MYO5B: variants seen among roughly 807,000 people sequenced by gnomAD.
The protein encoded by MYO5B is myosin VB, also known as unconventional myosin-Vb.
MYO5B carries 143 observed loss-of-function variants against 229.3 expected under a neutral mutation model. The observed-to-expected ratio is 0.62, with a 90% CI of 0.54 to 0.72. The LOEUF is 0.72. Ranked by LOEUF, MYO5B falls within the 30% of genes least tolerant of loss-of-function variation. The pLI is 0.00. For synonymous variants in MYO5B, 918 were observed against 885.2 expected, an observed-to-expected ratio of 1.04 and a Z score of -0.66; for missense variants, 2,321 against 2,331.0, an observed-to-expected ratio of 1.00 and a Z score of 0.09.
intron 39 of MYO5B, 46 bp from the exon 40 acceptor site, chr18:49,826,669 A>G (rs376447629): frequency 6.2e-7 from 1 of 1,608,256 alleles, no homozygotes; most frequent in East Asian, 2.2e-5. Flanking sequence ...ACCCCTAAAA[A>G]TAGCCAGTTT....
At chr18:49,940,843 A>G (rs1241525632) in intron 14 of MYO5B, among the ~76,000 whole-genome samples, 1 of 152,232 alleles carries the variant, frequency 6.6e-6, no homozygotes, top group Non-Finnish European at 1.5e-5. Context: ...ACAAGGTTAC[A>G]ATGCCTAATG....
intron 4 of MYO5B, among the ~76,000 whole-genome samples, chr18:50,031,470 G>C (rs1388355772): frequency 6.6e-6 from 1 of 152,162 alleles, no homozygotes; most frequent in Admixed American, 6.5e-5. Context: ...GCATTAATGA[G>C]AATAATTCCT....
intron 4 of MYO5B, among the ~76,000 whole-genome samples, chr18:50,034,966 C>T (rs568442088): frequency 2.0e-5 from 3 of 152,276 alleles, no homozygotes; most frequent in Non-Finnish European, 4.4e-5. Context: ...TCCAAACTCT[C>T]TACTGACAAA....
At chr18:49,937,965 T>C (rs1008910802) in intron 14 of MYO5B, among the ~76,000 whole-genome samples, 1 of 152,146 alleles carries the variant, frequency 6.6e-6, no homozygotes, top group African/African-American at 2.4e-5. Flanking sequence ...CAGTGAATTG[T>C]GTGCTTCAAA....
Position 49,824,508 on chromosome 18 carries a change from A to AT in MYO5B, c.*1962dup. 6.6e-6 allele frequency: 1 copy of AT among 152,590 alleles called. No individual in the cohort carries two copies. Among genetic ancestry groups the AT allele is most frequent in the South Asian group, 2.1e-4 (1 of 4,834 alleles). 9.5% of individuals were successfully genotyped at this position (152,590 alleles called of 1,614,324 possible). On this transcript the variant is annotated 3_prime_UTR_variant, in exon 40 of 40. Coordinates refer to ENST00000285039, the MANE Select transcript of MYO5B (RefSeq NM_001080467.3). Reference sequence around the variant, plus strand: ...AGAGAATGATGGTATAAGACAGTGTATAAGGATAGTAAGCCACTGTGTTTG... The same window carrying AT: ...AGAGAATGATGGTATAAGACAGTGTATTAAGGATAGTAAGCCACTGTGTTTG...
chr18:49,942,503 C>T (rs1424718689), intron 14 of MYO5B, among the ~76,000 whole-genome samples: 7 of 151,088 alleles, frequency 4.6e-5, no homozygotes, highest in Non-Finnish European at 8.9e-5. Context: ...ACAATGAACT[C>T]AAACAAATTT....
chr18:50,101,450 T>C (rs918725482), intron 1 of MYO5B, among the ~76,000 whole-genome samples: 6 of 151,888 alleles, frequency 4.0e-5, no homozygotes, highest in African/African-American at 1.5e-4. Flanking sequence ...AAAATAACTA[T>C]AAAAATGCCT....
chr18:50,031,188 CA>C (rs1398199121), intron 4 of MYO5B, among the ~76,000 whole-genome samples: 3 of 152,016 alleles, frequency 2.0e-5, no homozygotes. Context: ...CATTGCTACC[CA>C]TTAAGGGAGG....
intron 1 of MYO5B, among the ~76,000 whole-genome samples, chr18:50,062,305 TC>T (rs1399070047): frequency 1.3e-5 from 2 of 152,182 alleles, no homozygotes; most frequent in African/African-American, 4.8e-5. Context: ...TGGGCAGAGT[TC>T]CCTGGGAATG....
At chr18:50,040,089 T>C in intron 3 of MYO5B, 54 bp downstream of exon 3, 1 of 1,583,060 alleles carries the variant, frequency 6.3e-7, no homozygotes, top group Non-Finnish European at 8.7e-7. Context: ...TGAGCAAGTC[T>C]AAAGCTGGTA....
At chr18:49,945,845 G>A (rs1291475406) in intron 14 of MYO5B, among the ~76,000 whole-genome samples, 1 of 152,108 alleles carries the variant, frequency 6.6e-6, no homozygotes, top group Non-Finnish European at 1.5e-5. Context: ...AGGACAAAGT[G>A]GCCCGTCAGA....
intron 26 of MYO5B, among the ~76,000 whole-genome samples, chr18:49,873,701 A>G (rs72642500): frequency 0.24 from 36,620 of 152,118 alleles, 4,554 homozygotes; most frequent in East Asian, 0.42. Flanking sequence ...GAGGTCACCT[A>G]CTCAGACTCA....
chr18:49,925,462 G>A (rs2025118802), intron 17 of MYO5B, among the ~76,000 whole-genome samples: 1 of 152,224 alleles, frequency 6.6e-6, no homozygotes, highest in African/African-American at 2.4e-5. Flanking sequence ...ATCTCCTGAG[G>A]GCTGCGTCAT....
chr18:50,192,013 A>T (rs1184608027), intron 1 of MYO5B, among the ~76,000 whole-genome samples: 1 of 152,158 alleles, frequency 6.6e-6, no homozygotes, highest in African/African-American at 2.4e-5. Flanking sequence ...TCATTTGAAG[A>T]AGGGACGAAG....
In MYO5B at chr18:49,826,480, A is replaced by G; in HGVS notation, c.5538T>C (p.Asn1846=). The change falls in exon 40 of 40, where the codon AAT becomes AAC. Residue 1846 remains asparagine, a synonymous_variant. Coordinates refer to ENST00000285039, the MANE Select transcript of MYO5B (RefSeq NM_001080467.3). ...IPACLNLEFL[N]EV ...CTGGAAACATGCATCTTCAGACTTC[A>G]TTGAGGAATTCCAGATTGAGACACG... 6.2e-7 allele frequency: 1 copy of G among 1,613,962 alleles called. No individual in the cohort carries two copies. The highest frequency in any genetic ancestry group is 8.5e-7 in the Non-Finnish European group (1 of 1,179,876).
At chr18:50,154,379 C>G (rs1010795582) in intron 1 of MYO5B, among the ~76,000 whole-genome samples, 12 of 152,152 alleles carry the variant, frequency 7.9e-5, no homozygotes, top group African/African-American at 2.4e-4. Context: ...TCTTTGCACA[C>G]TAAATCTGGC....
chr18:50,183,694 C>A (rs1446922605), intron 1 of MYO5B, among the ~76,000 whole-genome samples: 3 of 147,638 alleles, frequency 2.0e-5, no homozygotes, highest in Non-Finnish European at 4.5e-5. Flanking sequence ...AGATATGAAT[C>A]ATTTGTCCTC....
intron 1 of MYO5B, among the ~76,000 whole-genome samples, chr18:50,073,273 T>C (rs1257112124): frequency 6.6e-6 from 1 of 152,104 alleles, no homozygotes; most frequent in Non-Finnish European, 1.5e-5. Flanking sequence ...GCAAATAATT[T>C]ATATCAATTT....
chr18:49,871,995 T>C (rs1281196429), intron 27 of MYO5B, among the ~76,000 whole-genome samples, 172 bp downstream of exon 27: 4 of 152,206 alleles, frequency 2.6e-5, no homozygotes, highest in African/African-American at 9.6e-5. Context: ...AGATACAAAT[T>C]TTTCTTCATT....
Sources: allele counts gnomAD v4.1 joint callset (sites outside exome capture counted in the v4.1 genomes callset), GRCh38; gene constraint gnomAD v4.1.1; transcripts MANE v1.5; gene names NCBI Gene and HGNC (gene_info 2026-07-23, HGNC 2026-07-21).